USP39: variants seen among roughly 807,000 people sequenced by gnomAD.
USP39 encodes the protein ubiquitin carboxyl-terminal hydrolase 39.
Under a neutral mutation model 66.4 loss-of-function variants are expected in USP39, and 38 were observed. The ratio of observed to expected loss-of-function variants is 0.57; its 90% confidence interval spans 0.44 to 0.75. The LOEUF (loss-of-function observed/expected upper bound fraction) is 0.75, where lower values mean the gene tolerates loss of function less well. Among genes scored for constraint, USP39 ranks in the 30% least tolerant of loss-of-function variants. The pLI, the probability that USP39 is intolerant of heterozygous loss-of-function variation, is 0.00. For synonymous variants in USP39, 303 were observed against 274.6 expected (o/e 1.10, Z -1.02); for missense variants, 608 against 714.4 (o/e 0.85, Z 1.70).
At chr2:85,643,422 A>G (rs1455302648) in intron 10 of USP39, among the ~76,000 whole-genome samples, 1 of 151,958 alleles carries the variant, frequency 6.6e-6, no homozygotes, top group Non-Finnish European at 1.5e-5. Flanking sequence ...CCCAGGAAGC[A>G]GAGCTTGCAG....
chr2:85,630,079 TA>T (rs1392284570), intron 5 of USP39, among the ~76,000 whole-genome samples: 21 of 152,268 alleles, frequency 1.4e-4, no homozygotes, highest in Non-Finnish European at 2.9e-4. Flanking sequence ...AAGCAGTGTA[TA>T]CTGTACCCAG....
rs1297846788 is a variant in USP39 at position 85,645,890 on chromosome 2, G to A, written c.1563+807G>A. 2.0e-5 allele frequency: 3 copies of A among 152,196 alleles called. No individual in the cohort carries two copies. In the East Asian group the frequency reaches 5.8e-4, roughly 29 times the overall value. 9.4% of individuals were successfully genotyped at this position (152,196 alleles called of 1,614,324 possible). A position where few individuals can be genotyped will look rare whatever the true frequency, so the allele number is the denominator to read the frequency against. ...TCCCGCCTCAGCTTCTGAAACTGCT[G>A]GGATTACAGGTATGAGCCACCATGC... On this transcript the variant is annotated intron_variant, in intron 11 of 12. Transcript: ENST00000323701.
intron 5 of USP39, 133 bp downstream of exon 5, chr2:85,625,824 C>G: frequency 8.7e-7 from 1 of 1,143,532 alleles, no homozygotes; most frequent in South Asian, 1.6e-5. Flanking sequence ...TTTGAGCCAG[C>G]CTGGCCAACA....
chr2:85,625,250 G>A (rs1303778787), intron 4 of USP39, among the ~76,000 whole-genome samples: 1 of 152,170 alleles, frequency 6.6e-6, no homozygotes, highest in African/African-American at 2.4e-5. Flanking sequence ...CTTGAGTATT[G>A]TATGGTTTCT....
chr2:85,612,202 A>C, upstream of USP39: 1 of 1,104,790 alleles, frequency 9.1e-7, no homozygotes, highest in Non-Finnish European at 1.3e-6. Flanking sequence ...CCCCGGACGG[A>C]GGGCTTTTGT....
rs142781970 is a variant in USP39, at chr2:85,642,889, G to T, written c.1427+1771G>T. Among the ~76,000 whole-genome samples, 465 of 152,124 alleles carry T rather than the reference G, an allele frequency of 3.1e-3. 2 individuals are homozygous for T. The highest frequency in any genetic ancestry group is 0.011 in the African/African-American group (442 of 41,490). On this transcript the variant is annotated intron_variant, in intron 10 of 12. Coordinates refer to ENST00000323701, the MANE Select transcript of USP39 (RefSeq NM_006590.4). ...GGCAGGTTTAAAGTTTCACTTTCAG[G>T]TAATTAGCCATTCTCTTAACTGGTC... is the stretch of plus-strand genomic sequence containing the variant.
At chr2:85,619,093 G>A in intron 1 of USP39, 127 bp from the exon 2 acceptor site, 1 of 1,098,774 alleles carries the variant, frequency 9.1e-7, no homozygotes. Flanking sequence ...TTTCGATATT[G>A]TTGCCACCCA....
chr2:85,644,164 G>T (rs1676472008), intron 10 of USP39, among the ~76,000 whole-genome samples: 1 of 152,186 alleles, frequency 6.6e-6, no homozygotes, highest in Non-Finnish European at 1.5e-5. Context: ...ACTTCAAAGG[G>T]AGATATATAA....
Position 85,616,274 on chromosome 2 carries a change from C to A in USP39, c.79C>A (p.Arg27Ser). The A allele has an allele frequency of 6.5e-7, 1 of 1,544,056 alleles. No individual in the cohort carries two copies. Among genetic ancestry groups the A allele is most frequent in the South Asian group, 1.2e-5 (1 of 82,652 alleles). The change falls in exon 1 of 13, where the codon CGC becomes AGC. Residue 27 changes from arginine (R) to serine (S), a missense_variant. Arg to Ser is a moderately radical substitution (Grantham distance 110). Around this residue, in one of 6 missense-constraint regions of USP39, gnomAD observed 207 missense variants for 145.7 expected, o/e 1.42. Coordinates refer to ENST00000323701, the MANE Select transcript of USP39 (RefSeq NM_006590.4). ...RESESRGSSG[R>S]VKRERDRERE... ...GTCTGAGTCGCGGGGCAGCTCCGGT[C>A]GCGTCAAGCGGGAGCGAGATCGGGA...
In USP39 at chr2:85,644,902, C is replaced by T; in HGVS notation, c.1428-46C>T. 7 of 1,609,930 alleles carry T rather than the reference C, an allele frequency of 4.3e-6. No homozygotes were observed. In the Middle Eastern group the frequency reaches 1.2e-3, roughly 267 times the overall value. On this transcript the variant is annotated intron_variant, in intron 10 of 12. Coordinates refer to ENST00000323701, the MANE Select transcript of USP39 (RefSeq NM_006590.4). ...TTGTGTAGGACAGTTTCCTTAACCT[C>T]ACAGCCTTTGTCTGATTATTCCGGC... is the stretch of plus-strand genomic sequence containing the variant.
At chr2:85,617,914 C>G (rs1210678015) in intron 1 of USP39, among the ~76,000 whole-genome samples, 1 of 151,536 alleles carries the variant, frequency 6.6e-6, no homozygotes, top group African/African-American at 2.4e-5. Context: ...GAGACCCACT[C>G]AAGTTTTTGA....
upstream of USP39, among the ~76,000 whole-genome samples, chr2:85,614,504 A>G (rs1309452486): frequency 6.6e-6 from 1 of 152,078 alleles, no homozygotes; most frequent in Non-Finnish European, 1.5e-5. Flanking sequence ...ACAGAGCAAG[A>G]CTCTGTATCA....
At chr2:85,608,782 C>A, upstream of USP39, 1 of 534,784 alleles carries the variant, frequency 1.9e-6, no homozygotes, top group East Asian at 5.1e-5. Flanking sequence ...GAAAGAATGA[C>A]TGCAAGGCAG....
In USP39 at chr2:85,639,209, GAAGAA is replaced by G; in HGVS notation, c.1105_1109del (p.Glu369ArgfsTer6). On this transcript the variant is annotated frameshift_variant, in exon 9 of 13. Coordinates refer to ENST00000323701, the MANE Select transcript of USP39 (RefSeq NM_006590.4). LOFTEE classifies it high-confidence loss of function. ...TCTTCTCATTCATTTCTAGCCAGCA[GAAGAA>G]AAAGAGCAGTTGCTCCATAATGACG... 1 of 1,611,904 alleles carries G rather than the reference GAAGAA, an allele frequency of 6.2e-7. No individual in the cohort carries two copies. Among genetic ancestry groups the G allele is most frequent in the East Asian group, 2.2e-5 (1 of 44,824 alleles).
At chr2:85,620,011 C>T (rs1393803438) in intron 2 of USP39, among the ~76,000 whole-genome samples, 2 of 151,988 alleles carry the variant, frequency 1.3e-5, no homozygotes, top group South Asian at 2.1e-4. Context: ...CCCGCCACCA[C>T]GCCCAGCTAA....
upstream of USP39, chr2:85,612,112 C>T (rs908258424): frequency 1.1e-6 from 1 of 947,628 alleles, no homozygotes; most frequent in South Asian, 1.8e-5. Context: ...TGGGAGGCCC[C>T]GGCCTGGCCA....
upstream of USP39, chr2:85,608,734 T>G: frequency 4.5e-6 from 1 of 224,570 alleles, no homozygotes; most frequent in Admixed American, 6.1e-5. Flanking sequence ...AAAAAAGAAT[T>G]CCAGAATATC....
chr2:85,647,673 A>G (rs1352476940), intron 11 of USP39, among the ~76,000 whole-genome samples: 3 of 151,686 alleles, frequency 2.0e-5, no homozygotes, highest in African/African-American at 7.3e-5. Flanking sequence ...AAAAAAAAAA[A>G]CAAAAAAACA....
chr2:85,611,700 G>T (rs1383355845), upstream of USP39: 2 of 1,583,810 alleles, frequency 1.3e-6, no homozygotes, highest in Non-Finnish European at 1.7e-6. Context: ...CTGCAGGTCT[G>T]GCTTGCGGGG....
Sources: gnomAD v4.1 joint callset for allele counts (sites outside exome capture counted in the v4.1 genomes callset) on GRCh38, gnomAD v4.1.1 for gene constraint, gnomAD v4.1.1 regional missense constraint, MANE v1.5 for transcripts, NCBI Gene and HGNC (gene_info 2026-07-23, HGNC 2026-07-21) for gene names.